STK32B: variants seen among roughly 807,000 people sequenced by gnomAD.
STK32B encodes the protein serine/threonine-protein kinase 32B.
In STK32B, 43 loss-of-function variants were observed where a neutral mutation model predicts 52.6. That is an observed-to-expected ratio of 0.82 (90% CI 0.64 to 1.05). The LOEUF is 1.05. Ranked by LOEUF, STK32B falls within the 50% of genes least tolerant of loss-of-function variation. The probability of loss-of-function intolerance (pLI) is 0.00; values close to 1 mark genes in which losing one functional copy is unlikely to be tolerated. For synonymous variants in STK32B, 238 were observed against 204.3 expected (o/e 1.17, Z -1.41); for missense variants, 621 against 534.6 (o/e 1.16, Z -1.59).
intron 1 of STK32B, among the ~76,000 whole-genome samples, chr4:5,133,448 C>G (rs1715894674): frequency 6.6e-6 from 1 of 152,136 alleles, no homozygotes. Context: ...TACCCATACT[C>G]CCACTACTCA....
chr4:5,095,928 G>A (rs1713365014), intron 1 of STK32B, among the ~76,000 whole-genome samples: 1 of 152,162 alleles, frequency 6.6e-6, no homozygotes, highest in Non-Finnish European at 1.5e-5. Flanking sequence ...GATGTAATAT[G>A]TTCAAGATTT....
intron 4 of STK32B, among the ~76,000 whole-genome samples, chr4:5,359,979 C>T (rs1274998117): frequency 6.6e-6 from 1 of 152,212 alleles, no homozygotes; most frequent in African/African-American, 2.4e-5. Flanking sequence ...GAGGAGCACA[C>T]TGGCTGCTTT....
chr4:5,495,857 C>T (rs1351256565), intron 11 of STK32B, among the ~76,000 whole-genome samples: 1 of 152,148 alleles, frequency 6.6e-6, no homozygotes, highest in Non-Finnish European at 1.5e-5. Flanking sequence ...ACCCTGTTTG[C>T]CTGGGTACCA....
chr4:5,214,127 G>A (rs1280906024), intron 3 of STK32B: 2 of 152,114 alleles, frequency 1.3e-5, no homozygotes, highest in African/African-American at 4.8e-5. Flanking sequence ...GGGACCTGGT[G>A]GGAGGTGATT....
chr4:5,099,454 G>GCGCGCGCGTGCGCGCGCACA (rs1553823533), intron 1 of STK32B, among the ~76,000 whole-genome samples: 5 of 129,744 alleles, frequency 3.9e-5, no homozygotes, highest in Admixed American at 7.5e-5. Context: ...GTGTGTGCGC[G>GCGCGCGCGTGCGCGCGCACA]CGCGCGTATG....
intron 3 of STK32B, among the ~76,000 whole-genome samples, chr4:5,186,924 C>T (rs1438232696): frequency 6.6e-6 from 1 of 152,168 alleles, no homozygotes; most frequent in Non-Finnish European, 1.5e-5. Context: ...GCAGGATTGG[C>T]AGCTGTGAGT....
rs1018730326 is a variant in STK32B, at chr4:5,249,461, T to C, written c.260+81011T>C. On this transcript the variant is annotated intron_variant, in intron 3 of 11. Coordinates refer to ENST00000282908, the MANE Select transcript of STK32B (RefSeq NM_018401.3). ...TACCTACCTTCCTTCCTTCCTTCCTTCCTTCCTTCCTTCCTTCCTTCCTTC... is the reference window on the plus strand; with the variant it reads ...TACCTACCTTCCTTCCTTCCTTCCTCCCTTCCTTCCTTCCTTCCTTCCTTC... 9.1e-3 allele frequency among the ~76,000 whole-genome samples: 856 copies of C among 93,652 alleles called. 7 individuals carry two copies. Among genetic ancestry groups the C allele is most frequent in the South Asian group, 0.019 (59 of 3,118 alleles). The allele number at this position is 93,652 out of a possible 152,430, so 61.4% of individuals were successfully genotyped here.
chr4:5,322,780 G>A (rs1731601438), intron 3 of STK32B, among the ~76,000 whole-genome samples: 1 of 152,096 alleles, frequency 6.6e-6, no homozygotes, highest in African/African-American at 2.4e-5. Flanking sequence ...TGGAGAGTCA[G>A]TCACTCATCA....
intron 11 of STK32B, among the ~76,000 whole-genome samples, chr4:5,481,811 A>G (rs1401512541): frequency 6.6e-6 from 1 of 152,216 alleles, no homozygotes; most frequent in African/African-American, 2.4e-5. Flanking sequence ...ATGGCTAGCC[A>G]GTTTTCCCAG....
rs1374032596 is a variant in STK32B, at chr4:5,440,709, T to C, written c.563-5964T>C. ...GTTTTCAAAGGAAATGCTTCCAGTT[T>C]TTGCCCATTCAGTATGATATTGGCT... On this transcript the variant is annotated intron_variant, in intron 6 of 11. Coordinates refer to ENST00000282908, the MANE Select transcript of STK32B (RefSeq NM_018401.3). Among the ~76,000 whole-genome samples, 6 of 152,338 alleles carry C rather than the reference T, an allele frequency of 3.9e-5. No individual in the cohort carries two copies. In the East Asian group the frequency reaches 9.6e-4, roughly 24 times the overall value.
intron 11 of STK32B, among the ~76,000 whole-genome samples, chr4:5,478,142 C>T (rs1187840501): frequency 6.6e-6 from 1 of 152,280 alleles, no homozygotes; most frequent in Middle Eastern, 3.4e-3. Context: ...GTTGCCCATC[C>T]ATTCTCACCC....
At chr4:5,341,990 C>T (rs111882489) in intron 4 of STK32B, among the ~76,000 whole-genome samples, 5,053 of 152,248 alleles carry the variant, frequency 0.033, 123 homozygotes, top group African/African-American at 0.056. Flanking sequence ...TGCTATCCCT[C>T]CCCTCTCCCC....
chr4:5,139,878 T>C (rs1306467448), intron 1 of STK32B, 27 bp from the exon 2 acceptor site: 2 of 1,614,012 alleles, frequency 1.2e-6, no homozygotes, highest in Admixed American at 1.7e-5. Context: ...AAATCTGACT[T>C]GTTTCCTTTT....
At chr4:5,410,085 G>T (rs566359180) in intron 5 of STK32B, among the ~76,000 whole-genome samples, 1 of 152,268 alleles carries the variant, frequency 6.6e-6, no homozygotes, top group South Asian at 2.1e-4. Context: ...GTTCTGTGTG[G>T]TGCCCAGAGT....
intron 3 of STK32B, among the ~76,000 whole-genome samples, chr4:5,252,999 C>T (rs963113210): frequency 3.3e-5 from 5 of 152,156 alleles, no homozygotes; most frequent in Non-Finnish European, 7.3e-5. Context: ...TGCCAACTTA[C>T]TCTTCCTAAG....
intron 2 of STK32B, among the ~76,000 whole-genome samples, chr4:5,160,800 C>T (rs529152647): frequency 1.2e-4 from 18 of 152,302 alleles, no homozygotes; most frequent in Admixed American, 3.9e-4. Flanking sequence ...GAAGCATGTC[C>T]TGTGATGGGA....
Position 5,466,908 on chromosome 4 carries a change from T to G in STK32B, c.1041+74T>G, listed in dbSNP as rs376829614. 3.9e-5 allele frequency: 59 copies of G among 1,518,506 alleles called. No homozygotes were observed. In the Middle Eastern group the frequency reaches 1.3e-3, roughly 34 times the overall value. 94.1% of individuals were successfully genotyped at this position (1,518,506 alleles called of 1,614,324 possible). On this transcript the variant is annotated intron_variant, in intron 10 of 11. Coordinates refer to ENST00000282908, the MANE Select transcript of STK32B (RefSeq NM_018401.3). ...GGGAAATGACTGAGCCAGGCCACTG[T>G]TTAGCAAAAAGGGGACATTTCAATC...
At chr4:5,387,675 G>A (rs1736345536) in intron 4 of STK32B, among the ~76,000 whole-genome samples, 1 of 152,222 alleles carries the variant, frequency 6.6e-6, no homozygotes, top group Non-Finnish European at 1.5e-5. Context: ...CCCACCCAGA[G>A]GATGGAAATG....
chr4:5,447,024 C>T (rs1463248386), intron 7 of STK32B: 4 of 388,660 alleles, frequency 1.0e-5, no homozygotes, highest in East Asian at 4.4e-5. Flanking sequence ...AGGCCCACAG[C>T]GGATCAGTGA....
Sources: gnomAD v4.1 joint callset for allele counts (sites outside exome capture counted in the v4.1 genomes callset) on GRCh38, gnomAD v4.1.1 for gene constraint, MANE v1.5 for transcripts, NCBI Gene and HGNC (gene_info 2026-07-23, HGNC 2026-07-21) for gene names.